The following SLC25A21 variants were observed in gnomAD, a reference collection of about 807,000 sequenced individuals.
SLC25A21 encodes the protein solute carrier family 25 member 21, also known as mitochondrial 2-oxodicarboxylate carrier.
A neutral mutation model predicts 43.8 loss-of-function variants in SLC25A21; 47 were observed. The observed-to-expected ratio is 1.07, with a 90% confidence interval of 0.85 to 1.37. The LOEUF is 1.37. SLC25A21 is among the 40% of genes most tolerant of loss of function. The probability of loss-of-function intolerance (pLI) is 0.00; values close to 1 mark genes in which losing one functional copy is unlikely to be tolerated. For missense variants in SLC25A21, 352 were observed against 350.2 expected (o/e 1.00, Z -0.04); for synonymous variants, 131 against 121.3 (o/e 1.08, Z -0.52).
At chr14:37,010,508 T>G (rs966597241) in intron 1 of SLC25A21, among the ~76,000 whole-genome samples, 1 of 152,106 alleles carries the variant, frequency 6.6e-6, no homozygotes, top group African/African-American at 2.4e-5. Flanking sequence ...AGGCTGGTGC[T>G]AAACTGGCAG....
chr14:36,860,071 C>T (rs999968855), intron 2 of SLC25A21, among the ~76,000 whole-genome samples: 1 of 149,660 alleles, frequency 6.7e-6, no homozygotes, highest in South Asian at 2.1e-4. Context: ...AAACAGTTAA[C>T]GTGTACACAA....
chr14:36,938,988 C>A (rs1011151126), intron 1 of SLC25A21, among the ~76,000 whole-genome samples: 1 of 152,046 alleles, frequency 6.6e-6, no homozygotes, highest in Non-Finnish European at 1.5e-5. Flanking sequence ...TTTATGTAAA[C>A]CCAAGTTCTG....
intron 2 of SLC25A21, among the ~76,000 whole-genome samples, chr14:36,823,859 A>T (rs898691512): frequency 6.6e-6 from 1 of 152,210 alleles, no homozygotes; most frequent in Non-Finnish European, 1.5e-5. Flanking sequence ...GTGAGTAAGA[A>T]GCACAAAACA....
chr14:36,988,021 T>G (rs1566794409), intron 1 of SLC25A21, among the ~76,000 whole-genome samples: 1 of 152,174 alleles, frequency 6.6e-6, no homozygotes, highest in Non-Finnish European at 1.5e-5. Flanking sequence ...TCCAAGTAGA[T>G]AGACCTGTGT....
chr14:36,960,533 A>G (rs1273525017), intron 1 of SLC25A21, among the ~76,000 whole-genome samples: 3 of 152,006 alleles, frequency 2.0e-5, no homozygotes, highest in Non-Finnish European at 4.4e-5. Flanking sequence ...TAAATGTCCT[A>G]TCTTATAATA....
intron 2 of SLC25A21, among the ~76,000 whole-genome samples, chr14:36,825,525 A>G (rs1210226992): frequency 6.6e-6 from 1 of 152,196 alleles, no homozygotes; most frequent in African/African-American, 2.4e-5. Context: ...ATTTAATAAA[A>G]CCAACTCATA....
intron 1 of SLC25A21, among the ~76,000 whole-genome samples, chr14:37,056,729 C>A (rs934078639): frequency 2.0e-5 from 3 of 152,134 alleles, no homozygotes; most frequent in Admixed American, 2.0e-4. Context: ...GCGTCTGCAG[C>A]CAAGTCAGCA....
intron 3 of SLC25A21, among the ~76,000 whole-genome samples, chr14:36,803,166 G>GT (rs1887926303): frequency 6.6e-6 from 1 of 152,152 alleles, no homozygotes; most frequent in Non-Finnish European, 1.5e-5. Context: ...GAAAAAGATA[G>GT]AAGGTCTGTG....
intron 1 of SLC25A21, among the ~76,000 whole-genome samples, chr14:36,934,760 T>C (rs1325404951): frequency 1.3e-5 from 2 of 152,018 alleles, no homozygotes; most frequent in Non-Finnish European, 2.9e-5. Context: ...AGGGCTGAGA[T>C]TTTTAAAACT....
chr14:37,135,336 C>A (rs1006331379), intron 1 of SLC25A21, among the ~76,000 whole-genome samples: 22 of 152,090 alleles, frequency 1.4e-4, no homozygotes, highest in African/African-American at 5.1e-4. Flanking sequence ...GAGTTTGAGG[C>A]TGCAGTGAGC....
At chr14:36,722,131 G>C (rs1382343574) in intron 6 of SLC25A21, among the ~76,000 whole-genome samples, 1 of 152,142 alleles carries the variant, frequency 6.6e-6, no homozygotes. Context: ...GTTGAGATGT[G>C]CTGTTAACAC....
chr14:36,857,014 G>A (rs1889919415), intron 2 of SLC25A21, among the ~76,000 whole-genome samples: 1 of 152,278 alleles, frequency 6.6e-6, no homozygotes, highest in South Asian at 2.1e-4. Flanking sequence ...GATTTTTACA[G>A]CCCTCATATT....
At chr14:36,917,349 C>G (rs538037710) in intron 1 of SLC25A21, among the ~76,000 whole-genome samples, 1 of 152,094 alleles carries the variant, frequency 6.6e-6, no homozygotes, top group Non-Finnish European at 1.5e-5. Context: ...CTCTGGACAA[C>G]AGGGTTGAAA....
intron 3 of SLC25A21, among the ~76,000 whole-genome samples, chr14:36,756,615 C>T (rs977884468): frequency 2.0e-5 from 3 of 152,194 alleles, no homozygotes; most frequent in Admixed American, 6.5e-5. Context: ...TTGGGCCTTC[C>T]TCCCAAAGAA....
intron 7 of SLC25A21, among the ~76,000 whole-genome samples, chr14:36,709,734 T>C (rs186988971): frequency 6.6e-6 from 1 of 152,166 alleles, no homozygotes; most frequent in East Asian, 1.9e-4. Flanking sequence ...TTTACTAGAA[T>C]ATAGGGGATA....
At chr14:37,045,204 A>G (rs1263880364) in intron 1 of SLC25A21, among the ~76,000 whole-genome samples, 1 of 152,242 alleles carries the variant, frequency 6.6e-6, no homozygotes, top group African/African-American at 2.4e-5. Context: ...AAGCAAGGCT[A>G]AACAGTGAAC....
At chr14:36,688,066 C>T (rs1365179565) in intron 7 of SLC25A21, among the ~76,000 whole-genome samples, 2 of 152,218 alleles carry the variant, frequency 1.3e-5, no homozygotes, top group Non-Finnish European at 2.9e-5. Context: ...ACTATGGTCA[C>T]ACTGGTTAAT....
intron 1 of SLC25A21, among the ~76,000 whole-genome samples, chr14:37,105,652 T>A (rs1163164310): frequency 1.3e-5 from 2 of 152,144 alleles, no homozygotes; most frequent in African/African-American, 4.8e-5. Context: ...CCTGAGTTAG[T>A]AATATTAAAA....
intron 1 of SLC25A21, among the ~76,000 whole-genome samples, chr14:36,919,493 A>G (rs535167270): frequency 2.2e-4 from 34 of 152,166 alleles, no homozygotes; most frequent in African/African-American, 7.5e-4. Context: ...GGCACTTCCT[A>G]CATTTAAAGC....
Sources: allele counts gnomAD v4.1 joint callset (sites outside exome capture counted in the v4.1 genomes callset), GRCh38; gene constraint gnomAD v4.1.1; transcripts MANE v1.5; gene names NCBI Gene and HGNC (gene_info 2026-07-23, HGNC 2026-07-21).